Variants in USP28 observed in about 807,000 individuals in gnomAD.
USP28 encodes the protein ubiquitin specific peptidase 28.
A neutral mutation model predicts 145.0 loss-of-function variants in USP28; 113 were observed. The ratio of observed to expected loss-of-function variants is 0.78; its 90% CI spans 0.67 to 0.91. The LOEUF is 0.91. Ranked by LOEUF, USP28 falls within the 40% of genes least tolerant of loss-of-function variation. The pLI, the probability that USP28 is intolerant of heterozygous loss-of-function variation, is 0.00. For synonymous variants in USP28, 447 were observed against 450.9 expected, an observed-to-expected ratio of 0.99 and a Z score of 0.11; for missense variants, 1,201 against 1,289.6, an observed-to-expected ratio of 0.93 and a Z score of 1.05.
At chr11:113,812,652 A>C in intron 15 of USP28, 148 bp from the exon 16 acceptor site, 1 of 735,818 alleles carries the variant, frequency 1.4e-6, no homozygotes, top group Non-Finnish European at 2.2e-6. Context: ...CCACAAAAAC[A>C]CAGCCTTGGA....
chr11:113,841,663 C>T (rs1164795595), exon 4 of USP28: 2 of 1,600,654 alleles, frequency 1.2e-6, no homozygotes, highest in Non-Finnish European at 1.7e-6. Flanking sequence ...AATCAATAAC[C>T]TGTTAAGATC....
chr11:113,831,431 A>G (rs1328865784), intron 8 of USP28, among the ~76,000 whole-genome samples: 1 of 152,222 alleles, frequency 6.6e-6, no homozygotes, highest in Non-Finnish European at 1.5e-5. Flanking sequence ...TTATAGTTAC[A>G]ATGCTTCTAC....
chr11:113,828,948 A>T (rs1442820082), intron 10 of USP28: 1 of 632,050 alleles, frequency 1.6e-6, no homozygotes, highest in Admixed American at 2.1e-5. Context: ...AAACTTGATC[A>T]TACTTAAAAC....
intron 1 of USP28, among the ~76,000 whole-genome samples, chr11:113,863,442 T>C (rs1392525135): frequency 6.8e-6 from 1 of 147,922 alleles, no homozygotes; most frequent in East Asian, 2.0e-4. Context: ...GCTGAAGTGT[T>C]CGAGACCAGC....
Position 113,808,289 on chromosome 11 carries a change from C to A in USP28, c.2304+9G>T. The A allele has an allele frequency of 6.2e-7, 1 of 1,608,386 alleles. No individual in the cohort carries two copies. On this transcript the variant is annotated intron_variant, in intron 18 of 24. Transcript: ENST00000003302. ...CTCTCCTGAACTTGGGCTTCCCAGT[C>A]ATTCTCACCTCACTCAGTGCCGCTT...
At chr11:113,854,601 A>C (rs565861871) in intron 1 of USP28, among the ~76,000 whole-genome samples, 1 of 151,994 alleles carries the variant, frequency 6.6e-6, no homozygotes, top group Non-Finnish European at 1.5e-5. Context: ...GGGGTTTCAC[A>C]TTGTTGGTCA....
chr11:113,833,737 T>G (rs1185280762), intron 6 of USP28, among the ~76,000 whole-genome samples, 180 bp from the exon 7 acceptor site: 1 of 152,194 alleles, frequency 6.6e-6, no homozygotes, highest in African/African-American at 2.4e-5. Context: ...AACTGAAGAA[T>G]AACTATGTAG....
At chr11:113,832,415 C>T (rs1347233654) in intron 7 of USP28, among the ~76,000 whole-genome samples, 3 of 152,046 alleles carry the variant, frequency 2.0e-5, no homozygotes, top group Admixed American at 6.6e-5. Context: ...AGCCTGAAAG[C>T]GTTTATTTTT....
chr11:113,858,131 A>G (rs975967801), intron 1 of USP28, among the ~76,000 whole-genome samples: 1 of 152,088 alleles, frequency 6.6e-6, no homozygotes, highest in African/African-American at 2.4e-5. Flanking sequence ...CTCCCAAAGT[A>G]CTGGGGTTAC....
chr11:113,837,445 C>T (rs1357189469), intron 5 of USP28, among the ~76,000 whole-genome samples: 1 of 152,222 alleles, frequency 6.6e-6, no homozygotes, highest in Non-Finnish European at 1.5e-5. Flanking sequence ...CCCAAAAATA[C>T]ACCAACACAT....
intron 3 of USP28, among the ~76,000 whole-genome samples, chr11:113,851,784 CAAAAA>C (rs796520144): frequency 1.1e-5 from 1 of 93,024 alleles, no homozygotes. Context: ...GACTCCATCT[CAAAAA>C]AAAAAAAAAA....
chr11:113,821,750 G>C, intron 12 of USP28: 1 of 197,238 alleles, frequency 5.1e-6, no homozygotes, highest in Non-Finnish European at 1.1e-5. Flanking sequence ...TAGGGGGCTG[G>C]TTCTTTTTAT....
At position 113,828,024 on chromosome 11, in the gene USP28, T is replaced by TA. The variant is rs200097951; in HGVS notation, c.1060-665dup. 6.3e-3 allele frequency among the ~76,000 whole-genome samples: 966 copies of TA among 152,268 alleles called. 6 individuals are homozygous for TA. Among genetic ancestry groups the TA allele is most frequent in the African/African-American group, 0.022 (912 of 41,544 alleles). The stretch of plus-strand genomic sequence containing the variant: ...GTTTCAAAGAAGGAAGGCACTGACA[T>TA]AAAAAAGACTCAACAGTCAGGGATC... On this transcript the variant is annotated intron_variant, in intron 10 of 24. Coordinates refer to ENST00000003302, the Ensembl canonical transcript of USP28.
exon 7 of USP28, chr11:113,833,488 T>C (rs1281198793): frequency 6.2e-7 from 1 of 1,614,112 alleles, no homozygotes; most frequent in Non-Finnish European, 8.5e-7. Flanking sequence ...TCTACAAATT[T>C]TCTATTTGAT....
At chr11:113,873,027 G>A (rs141483036) in intron 1 of USP28, among the ~76,000 whole-genome samples, 1 of 152,290 alleles carries the variant, frequency 6.6e-6, no homozygotes, top group East Asian at 1.9e-4. Context: ...ATAAGGGAAG[G>A]GAAGCAGTCT....
chr11:113,832,400 C>T (rs1208135526), intron 7 of USP28, among the ~76,000 whole-genome samples: 2 of 152,130 alleles, frequency 1.3e-5, no homozygotes, highest in Admixed American at 6.5e-5. Flanking sequence ...TCAGCTATTG[C>T]GCACAGCCTG....
chr11:113,874,909 G>A, intron 1 of USP28: 1 of 1,000,566 alleles, frequency 1.0e-6, no homozygotes, highest in Non-Finnish European at 1.2e-6. Flanking sequence ...AATTGGGGAG[G>A]CTGCGCTGTT....
At chr11:113,854,647 G>A (rs1466224588) in intron 1 of USP28, among the ~76,000 whole-genome samples, 3 of 152,112 alleles carry the variant, frequency 2.0e-5, no homozygotes, top group Non-Finnish European at 2.9e-5. Flanking sequence ...TGATCCACCC[G>A]CCTAGGCCTC....
intron 1 of USP28, among the ~76,000 whole-genome samples, chr11:113,867,273 T>C (rs537751693): frequency 8.0e-5 from 12 of 150,228 alleles, no homozygotes; most frequent in African/African-American, 1.9e-4. Flanking sequence ...CACTTGAACT[T>C]TTTTTTTTTG....
Sources: allele counts gnomAD v4.1 joint callset (sites outside exome capture counted in the v4.1 genomes callset), GRCh38; gene constraint gnomAD v4.1.1; transcripts MANE v1.5; gene names NCBI Gene and HGNC (gene_info 2026-07-23, HGNC 2026-07-21).